Variants in ASPHD2 observed in about 807,000 individuals in gnomAD.
ASPHD2 encodes the protein aspartate beta-hydroxylase domain-containing protein 2.
Under a neutral mutation model 34.6 loss-of-function variants are expected in ASPHD2, and 12 were observed. The observed-to-expected ratio is 0.35, with a 90% confidence interval of 0.22 to 0.56. The LOEUF (loss-of-function observed/expected upper bound fraction) is 0.56, where lower values mean the gene tolerates loss of function less well. Ranked by LOEUF, ASPHD2 falls within the 20% of genes least tolerant of loss-of-function variation. The pLI is 0.87. For missense variants in ASPHD2, 375 were observed against 505.0 expected (o/e 0.74, Z 2.47); for synonymous variants, 224 against 212.2 (o/e 1.06, Z -0.48).
Position 26,444,918 on chromosome 22 carries a change from T to C in ASPHD2, c.*1712T>C, listed in dbSNP as rs1479994680. The C allele has an allele frequency of 6.6e-6, 1 of 152,208 alleles. No homozygotes were observed. Among genetic ancestry groups the C allele is most frequent in the African/African-American group, 2.4e-5 (1 of 41,452 alleles). The allele number at this position is 152,208 out of a possible 1,614,324, so 9.4% of individuals were successfully genotyped here. Reference sequence around the variant, plus strand: ...ACATCGTGACTGCTCTGCTCTGCGTTTACAAAACCAACAGCCCGCGCAGGT... The same window carrying C: ...ACATCGTGACTGCTCTGCTCTGCGTCTACAAAACCAACAGCCCGCGCAGGT... On this transcript the variant is annotated 3_prime_UTR_variant, in exon 4 of 4. Coordinates refer to ENST00000215906, the MANE Select transcript of ASPHD2 (RefSeq NM_020437.5).
chr22:26,440,772 G>A (rs1344897391), intron 2 of ASPHD2, among the ~76,000 whole-genome samples: 1 of 152,138 alleles, frequency 6.6e-6, no homozygotes. Flanking sequence ...CGGATTAAAA[G>A]GCTAGAACCC....
At chr22:26,442,384 C>G in intron 2 of ASPHD2, 75 bp from the exon 3 acceptor site, 3 of 1,136,876 alleles carry the variant, frequency 2.6e-6, no homozygotes, top group Admixed American at 2.4e-5. Context: ...CTCAGTAAGG[C>G]AAATCACCCC....
rs182326092 is a variant in ASPHD2 at position 26,438,280 on chromosome 22, C to T, written c.886+3779C>T. 4.6e-3 allele frequency among the ~76,000 whole-genome samples: 700 copies of T among 152,224 alleles called. 3 individuals carry two copies. Among genetic ancestry groups the T allele is most frequent in the Admixed American group, 9.2e-3 (140 of 15,298 alleles). ...GGGCGTCTTTACAGCCCTGACTCCCCCAGCTGCTGTTAACCATAGTGGGAA... is the reference window on the plus strand; with the variant it reads ...GGGCGTCTTTACAGCCCTGACTCCCTCAGCTGCTGTTAACCATAGTGGGAA... On this transcript the variant is annotated intron_variant, in intron 2 of 3. Transcript: ENST00000215906.
At position 26,433,879 on chromosome 22, in the gene ASPHD2, C is replaced by A. The variant is rs138309379; in HGVS notation, c.264C>A (p.Ser88=). ...GGGAGCAGCCCCGGCCCTACGTCTC[C>A]GTCAACTCCCTCATGCAGGCTGCCG... The part of the protein sequence containing the change: ...VGREQPRPYV[S]VNSLMQAADA... The change falls in exon 2 of 4, where the codon TCC becomes TCA. Residue 88 remains serine (S), a synonymous_variant. Coordinates refer to ENST00000215906, the MANE Select transcript of ASPHD2 (RefSeq NM_020437.5). This position sits in a 1 kb window ranked among gnomAD's most constrained non-coding sequence, Gnocchi z 5.1. 9 of 1,613,832 alleles carry A rather than the reference C, an allele frequency of 5.6e-6. No homozygotes were observed. Among genetic ancestry groups the A allele is most frequent in the Middle Eastern group, 1.6e-4 (1 of 6,062 alleles).
chr22:26,440,558 T>C (rs1362874224), intron 2 of ASPHD2, among the ~76,000 whole-genome samples: 1 of 151,848 alleles, frequency 6.6e-6, no homozygotes, highest in African/African-American at 2.4e-5. Context: ...GGTCTCGAAC[T>C]CTTGGCCTCA....
chr22:26,434,579 T>A, intron 2 of ASPHD2, 78 bp downstream of exon 2: 1 of 1,462,176 alleles, frequency 6.8e-7, no homozygotes, highest in Non-Finnish European at 9.2e-7. Context: ...TCGCGAAAGC[T>A]CAAATGGTCA....
intron 1 of ASPHD2, among the ~76,000 whole-genome samples, chr22:26,430,017 A>C (rs2084747098): frequency 6.6e-6 from 1 of 152,000 alleles, no homozygotes; most frequent in Non-Finnish European, 1.5e-5. Context: ...CATCTGTGCT[A>C]ACCCATCTTC....
Position 26,433,602 on chromosome 22 carries a change from C to A in ASPHD2, c.-14C>A, listed in dbSNP as rs780842687. On this transcript the variant is annotated 5_prime_UTR_variant, in exon 2 of 4. Coordinates refer to ENST00000215906, the MANE Select transcript of ASPHD2 (RefSeq NM_020437.5). The surrounding 1 kb of genome is among the most constrained non-coding windows in gnomAD (Gnocchi z 5.1). ...CCCTGCCCCAGCCGCTCCTTCCCCC[C>A]CACGCTAATCTGCATGGTGTGGGCG... 3 of 1,603,730 alleles carry A rather than the reference C, an allele frequency of 1.9e-6. No individual in the cohort carries two copies. Among genetic ancestry groups the A allele is most frequent in the Non-Finnish European group, 8.5e-7 (1 of 1,176,164 alleles).
intron 2 of ASPHD2, among the ~76,000 whole-genome samples, chr22:26,436,554 G>A (rs1045916766): frequency 3.9e-5 from 6 of 152,236 alleles, no homozygotes; most frequent in Admixed American, 3.3e-4. Flanking sequence ...GGGGAGGCCA[G>A]TAGTGTGGGC....
In ASPHD2 at chr22:26,434,339, AG is replaced by A; in HGVS notation, c.726del (p.Asn243ThrfsTer32). The A allele has an allele frequency of 6.2e-7, 1 of 1,614,210 alleles. No homozygotes were observed. Among genetic ancestry groups the A allele is most frequent in the Non-Finnish European group, 8.5e-7 (1 of 1,180,030 alleles). On this transcript the variant is annotated frameshift_variant, in exon 2 of 4. Coordinates refer to ENST00000215906, the MANE Select transcript of ASPHD2 (RefSeq NM_020437.5). LOFTEE classifies it high-confidence loss of function. The part of the protein sequence containing the change: ...YLVNQGVCVP[R>X]NCRKCPRTYR... ...GGTCAATCAGGGGGTTTGTGTTCCC[AG>A]GAACTGTAGGAAGTGCCCACGGACG...
rs1243336536 is a variant in ASPHD2 at position 26,442,685 on chromosome 22, A to G, written c.1000+113A>G. The G allele has an allele frequency of 9.5e-6, 7 of 736,534 alleles. No homozygotes were observed. The Admixed American group carries it at 1.1e-4, about 12-fold the overall frequency. The allele number at this position is 736,534 out of a possible 1,614,324, so 45.6% of individuals were successfully genotyped here. On this transcript the variant is annotated intron_variant, in intron 3 of 3. Coordinates refer to ENST00000215906, the MANE Select transcript of ASPHD2 (RefSeq NM_020437.5). ...CAGAAAGTACCAAGGAGGCCCCTTC[A>G]TATCACCCCATAACACATATACACA...
rs2146127963 is a variant in ASPHD2, at chr22:26,434,215, T to C, written c.600T>C (p.Cys200=). Residue 200 remains cysteine (C), a synonymous_variant, in exon 2 of 4, where the codon TGT becomes TGC. Transcript: ENST00000215906. ...VLERNFQTIL[C]EFETLYKAFS... Reference sequence around the variant, plus strand: ...AACGGAACTTCCAGACCATCCTGTGTGAGTTTGAGACCCTCTACAAAGCTT... The same window carrying C: ...AACGGAACTTCCAGACCATCCTGTGCGAGTTTGAGACCCTCTACAAAGCTT... 1 of 1,614,032 alleles carries C rather than the reference T, an allele frequency of 6.2e-7. No homozygotes were observed. Among genetic ancestry groups the C allele is most frequent in the Non-Finnish European group, 8.5e-7 (1 of 1,179,986 alleles).
rs200406256 is a variant in ASPHD2 at position 26,438,580 on chromosome 22, T to TAC, written c.887-3877_887-3876dup. On this transcript the variant is annotated intron_variant, in intron 2 of 3. Transcript: ENST00000215906. ...ATACATATATACACATACATATATA[T>TAC]ACATACATATATATACACACATATA... Among the ~76,000 whole-genome samples, 398 of 62,386 alleles carry TAC rather than the reference T, an allele frequency of 6.4e-3. 16 individuals are homozygous for TAC. In the East Asian group the frequency reaches 0.09, roughly 14 times the overall value. The allele number at this position is 62,386 out of a possible 152,430, so 40.9% of individuals were successfully genotyped here.
intron 1 of ASPHD2, among the ~76,000 whole-genome samples, chr22:26,432,861 A>G (rs889172056): frequency 6.6e-6 from 1 of 152,242 alleles, no homozygotes; most frequent in African/African-American, 2.4e-5. Context: ...TGAAATAAGG[A>G]TGATGAAATG....
chr22:26,442,583 G>A lies in ASPHD2; in HGVS notation c.1000+11G>A. The A allele has an allele frequency of 6.4e-7, 1 of 1,554,704 alleles. No homozygotes were observed. Reference sequence around the variant, plus strand: ...CTGCGTTCCATGAAGGTGAGTGGCTGCCTTTCCCACTTCCTTTTTTTCAAT... The same window carrying A: ...CTGCGTTCCATGAAGGTGAGTGGCTACCTTTCCCACTTCCTTTTTTTCAAT... On this transcript the variant is annotated intron_variant, in intron 3 of 3. Coordinates refer to ENST00000215906, the MANE Select transcript of ASPHD2 (RefSeq NM_020437.5).
At chr22:26,441,877 C>T (rs1476335104) in intron 2 of ASPHD2, among the ~76,000 whole-genome samples, 2 of 151,986 alleles carry the variant, frequency 1.3e-5, no homozygotes, top group African/African-American at 4.8e-5. Context: ...GAGCCAGGAT[C>T]GCGCCACTGC....
chr22:26,438,646 C>CATATATATATAT lies in ASPHD2; in HGVS notation c.887-3812_887-3811insTATATATATATA, dbSNP rs1207306514. 1.9e-3 allele frequency among the ~76,000 whole-genome samples: 114 copies of CATATATATATAT among 59,910 alleles called. 1 individual carries two copies. The highest frequency in any genetic ancestry group is 0.01 in the Admixed American group (70 of 6,894). 39.3% of individuals were successfully genotyped at this position (59,910 alleles called of 152,430 possible). On this transcript the variant is annotated intron_variant, in intron 2 of 3. Transcript: ENST00000215906. ...ACACATATATATACATATATATATA[C>CATATATATATAT]ACATACATATATATATATACACATA...
At position 26,429,263 on chromosome 22, in the gene ASPHD2, T is replaced by C. The variant is rs1302773580; in HGVS notation, c.-448T>C. On this transcript the variant is annotated 5_prime_UTR_variant, in exon 1 of 4. Coordinates refer to ENST00000215906, the MANE Select transcript of ASPHD2 (RefSeq NM_020437.5). This position sits in a 1 kb window ranked among gnomAD's most constrained non-coding sequence, Gnocchi z 4.5. ...CCAGCGCGCGCGGCATTGTGGGAGT[T>C]GTGGTCTTCGCGGCCCCGCGGAGCG... is the stretch of plus-strand genomic sequence containing the variant. 1 of 147,996 alleles carries C rather than the reference T, an allele frequency of 6.8e-6. No homozygotes were observed. The highest frequency in any genetic ancestry group is 2.0e-4 in the East Asian group (1 of 4,896). 9.2% of individuals were successfully genotyped at this position (147,996 alleles called of 1,614,324 possible).
rs776417011 is a variant in ASPHD2 at position 26,443,229 on chromosome 22, G to A, written c.*23G>A. The A allele has an allele frequency of 5.0e-6, 8 of 1,600,436 alleles. No individual in the cohort carries two copies. The Admixed American group carries it at 5.0e-5, about 10-fold the overall frequency. On this transcript the variant is annotated 3_prime_UTR_variant, in exon 4 of 4. Transcript: ENST00000215906. ...TGAGAGTATTTCCCATGCTGGAGTC[G>A]GCGAGAAGGGCCGAGGCGGGGCCTG...
Sources: allele counts gnomAD v4.1 joint callset (sites outside exome capture counted in the v4.1 genomes callset), GRCh38; gene constraint gnomAD v4.1.1; non-coding constraint Gnocchi (gnomAD v3.1); transcripts MANE v1.5; gene names NCBI Gene and HGNC (gene_info 2026-07-23, HGNC 2026-07-21).